Variants in CHCT1 observed in about 807,000 individuals in gnomAD.
CHCT1 encodes the protein CHD1 helical C-terminal domain containing 1.
the CHCT1 span, chr17:60,421,333 G>A: frequency 4.1e-6 from 4 of 978,376 alleles, no homozygotes; most frequent in Non-Finnish European, 4.9e-6. Context: ...GGACTCAAAG[G>A]GTGCTCCTCC....
the CHCT1 span, chr17:60,421,633 C>A: frequency 1.0e-6 from 1 of 969,000 alleles, no homozygotes; most frequent in Non-Finnish European, 1.2e-6. Context: ...CCGCCGTGTG[C>A]CGCCCAGGGA....
At chr17:60,424,525 A>C in the CHCT1 span, among the ~76,000 whole-genome samples, 1 of 152,342 alleles carries the variant, frequency 6.6e-6, no homozygotes, top group East Asian at 1.9e-4. Flanking sequence ...CTCATTCAGC[A>C]TGAATCATGA....
At chr17:60,423,347 C>G in the CHCT1 span, among the ~76,000 whole-genome samples, 1 of 151,986 alleles carries the variant, frequency 6.6e-6, no homozygotes, top group African/African-American at 2.4e-5. Context: ...TATGCATTAC[C>G]ACACCTGGCT....
the CHCT1 span, chr17:60,429,625 C>A: frequency 6.6e-7 from 1 of 1,519,438 alleles, no homozygotes; most frequent in Non-Finnish European, 9.0e-7. Context: ...TGGGTGTTTC[C>A]CAAGAGTAGA....
the CHCT1 span, chr17:60,426,543 A>G: frequency 2.7e-6 from 3 of 1,115,664 alleles, no homozygotes; most frequent in Non-Finnish European, 3.7e-6. Flanking sequence ...GGCGCTCAAT[A>G]CCAGGATAGG....
At chr17:60,429,464 A>T in the CHCT1 span, 1 of 1,614,252 alleles carries the variant, frequency 6.2e-7, no homozygotes, top group Non-Finnish European at 8.5e-7. Flanking sequence ...CAGCAACATC[A>T]GCGGCATGAA....
At chr17:60,422,373 G>C in the CHCT1 span, 1 of 1,243,934 alleles carries the variant, frequency 8.0e-7, no homozygotes, top group Non-Finnish European at 1.1e-6. Flanking sequence ...CCCTAGTCCA[G>C]ATCCCAGCTG....
chr17:60,422,940 T>G, the CHCT1 span, among the ~76,000 whole-genome samples: 1 of 151,666 alleles, frequency 6.6e-6, no homozygotes, highest in South Asian at 2.1e-4. Context: ...GTTGGAGGAG[T>G]TGATCAGCCA....
the CHCT1 span, chr17:60,422,532 G>A: frequency 1.2e-5 from 19 of 1,545,630 alleles, no homozygotes; most frequent in South Asian, 2.1e-4. Flanking sequence ...GAAGCAGTGG[G>A]TCAGAAGCCA....
At chr17:60,427,716 C>G in the CHCT1 span, among the ~76,000 whole-genome samples, 1 of 152,040 alleles carries the variant, frequency 6.6e-6, no homozygotes, top group South Asian at 2.1e-4. Context: ...CCCAGCCTAC[C>G]ACTCTTCATG....
chr17:60,430,680 C>A, the CHCT1 span, among the ~76,000 whole-genome samples: 1 of 152,118 alleles, frequency 6.6e-6, no homozygotes, highest in Non-Finnish European at 1.5e-5. Flanking sequence ...GGGGTTTCAC[C>A]ATGTTGGCCA....
At chr17:60,428,590 G>T in the CHCT1 span, among the ~76,000 whole-genome samples, 11 of 150,878 alleles carry the variant, frequency 7.3e-5, no homozygotes, top group Admixed American at 2.0e-4. Context: ...AGGTTCAAGC[G>T]ATTCTCTTGC....
At chr17:60,424,278 G>A in the CHCT1 span, among the ~76,000 whole-genome samples, 13 of 152,110 alleles carry the variant, frequency 8.5e-5, no homozygotes, top group Admixed American at 5.9e-4. Context: ...ATCACATGAC[G>A]ATGCTAGAGG....
the CHCT1 span, chr17:60,421,582 T>C: frequency 1.0e-6 from 1 of 984,602 alleles, no homozygotes; most frequent in Non-Finnish European, 1.2e-6. Flanking sequence ...GTGGCTCGAG[T>C]GAGGAAACTG....
At chr17:60,428,213 C>A in the CHCT1 span, among the ~76,000 whole-genome samples, 1 of 152,098 alleles carries the variant, frequency 6.6e-6, no homozygotes, top group East Asian at 1.9e-4. Context: ...ATGAAGATCC[C>A]AAATACAGGG....
the CHCT1 span, among the ~76,000 whole-genome samples, chr17:60,427,661 G>A: frequency 1.3e-5 from 2 of 152,054 alleles, no homozygotes; most frequent in Non-Finnish European, 2.9e-5. Context: ...TGATCTGCCC[G>A]CCTCAGCTCC....
At chr17:60,427,256 T>A in the CHCT1 span, among the ~76,000 whole-genome samples, 1 of 152,094 alleles carries the variant, frequency 6.6e-6, no homozygotes, top group Non-Finnish European at 1.5e-5. Flanking sequence ...ACTTGCAAAT[T>A]ATGGGGTGGT....
chr17:60,429,935 C>T, the CHCT1 span, among the ~76,000 whole-genome samples: 1 of 152,060 alleles, frequency 6.6e-6, no homozygotes, highest in Non-Finnish European at 1.5e-5. Context: ...AGCGATTCTC[C>T]TGCCTCAGCA....
At chr17:60,421,721 C>G in the CHCT1 span, 4 of 799,338 alleles carry the variant, frequency 5.0e-6, no homozygotes, top group Admixed American at 6.2e-5. Flanking sequence ...GCCCGGCCAA[C>G]TCAGACTACA....
Sources: allele counts gnomAD v4.1 joint callset (sites outside exome capture counted in the v4.1 genomes callset), GRCh38; gene constraint gnomAD v4.1.1; transcripts MANE v1.5; gene names NCBI Gene and HGNC (gene_info 2026-07-23, HGNC 2026-07-21).